The following ZNF143 variants were observed in gnomAD, a reference collection of about 807,000 sequenced individuals.
ZNF143 encodes the protein zinc finger protein 143.
Under a neutral mutation model 74.1 loss-of-function variants are expected in ZNF143, and 49 were observed. That is an observed-to-expected ratio of 0.66 (90% CI 0.53 to 0.84). The LOEUF is 0.84. Among genes scored for constraint, ZNF143 ranks in the 40% least tolerant of loss-of-function variants. The pLI is 0.00. For synonymous variants in ZNF143, 304 were observed against 282.8 expected, an observed-to-expected ratio of 1.07 and a Z score of -0.75; for missense variants, 637 against 793.4, an observed-to-expected ratio of 0.80 and a Z score of 2.37.
At chr11:9,477,324 G>A (rs181959546) in intron 5 of ZNF143, among the ~76,000 whole-genome samples, 14 of 148,930 alleles carry the variant, frequency 9.4e-5, no homozygotes, top group African/African-American at 2.0e-4. Context: ...GTGCAATCTC[G>A]GCTCACTGCA....
chr11:9,491,162 A>C (rs952114454), intron 7 of ZNF143, among the ~76,000 whole-genome samples: 4 of 152,174 alleles, frequency 2.6e-5, no homozygotes, highest in African/African-American at 9.7e-5. Context: ...GAGACGGAGG[A>C]TTCCTTGAAC....
In ZNF143 at chr11:9,522,078, A is replaced by G. The variant is rs149898705; in HGVS notation, c.1687-3162A>G. ...GAGACCCTGTCTCAAAAAAAAAAAA[A>G]AAAAAAGTCAGTGGAAGGTAAAGCA... On this transcript the variant is annotated intron_variant, in intron 14 of 15. Coordinates refer to ENST00000396602, the MANE Select transcript of ZNF143 (RefSeq NM_003442.6). 1.4e-3 allele frequency among the ~76,000 whole-genome samples: 212 copies of G among 152,160 alleles called. 2 individuals carry two copies. The highest frequency in any genetic ancestry group is 5.0e-3 in the African/African-American group (208 of 41,534).
intron 7 of ZNF143, among the ~76,000 whole-genome samples, chr11:9,491,267 T>A (rs1847763905): frequency 1.3e-5 from 2 of 151,858 alleles, no homozygotes; most frequent in Non-Finnish European, 2.9e-5. Context: ...TTTTTTTTTT[T>A]AAGTTTTTGA....
intron 7 of ZNF143, among the ~76,000 whole-genome samples, chr11:9,490,928 C>G (rs1315927536): frequency 6.6e-6 from 1 of 152,038 alleles, no homozygotes; most frequent in African/African-American, 2.4e-5. Flanking sequence ...GATGGGGTTC[C>G]CCCCATGTTT....
intron 8 of ZNF143, among the ~76,000 whole-genome samples, chr11:9,495,676 T>C (rs1306879814): frequency 6.6e-6 from 1 of 152,208 alleles, no homozygotes; most frequent in Non-Finnish European, 1.5e-5. Flanking sequence ...ATCTATAAAA[T>C]TGGATCCTAA....
At chr11:9,492,798 A>G (rs1412423538) in intron 7 of ZNF143, among the ~76,000 whole-genome samples, 2 of 152,190 alleles carry the variant, frequency 1.3e-5, no homozygotes, top group Non-Finnish European at 2.9e-5. Context: ...GACTTCAAGT[A>G]GCTGATAGAC....
At chr11:9,500,213 C>T (rs1848109091) in intron 10 of ZNF143, among the ~76,000 whole-genome samples, 2 of 152,008 alleles carry the variant, frequency 1.3e-5, no homozygotes, top group Admixed American at 6.6e-5. Flanking sequence ...TCTCAAAGTG[C>T]TGGGATTACA....
At chr11:9,490,990 CCT>C (rs1847752915) in intron 7 of ZNF143, among the ~76,000 whole-genome samples, 1 of 152,210 alleles carries the variant, frequency 6.6e-6, no homozygotes, top group Non-Finnish European at 1.5e-5. Flanking sequence ...ACCTTGGCCT[CCT>C]AAAGTGTTGG....
intron 7 of ZNF143, among the ~76,000 whole-genome samples, chr11:9,482,656 C>CT (rs55996675): frequency 1.4e-5 from 2 of 144,472 alleles, no homozygotes; most frequent in East Asian, 2.0e-4. Flanking sequence ...GAATGGGATT[C>CT]TTTTTTTTTT....
chr11:9,520,503 A>T lies in ZNF143; in HGVS notation c.1686+4141A>T, dbSNP rs188546038. On this transcript the variant is annotated intron_variant, in intron 14 of 15. Coordinates refer to ENST00000396602, the MANE Select transcript of ZNF143 (RefSeq NM_003442.6). ...CAAAACCCTGTCTTCTAAAAAAAAT[A>T]AAAAAGAGGCCAGGCACAGTGGCTC... 7.2e-3 allele frequency among the ~76,000 whole-genome samples: 1,096 copies of T among 152,026 alleles called. 10 individuals are homozygous for T. The highest frequency in any genetic ancestry group is 0.012 in the Non-Finnish European group (802 of 67,966).
chr11:9,521,099 C>G (rs1451412549), intron 14 of ZNF143, among the ~76,000 whole-genome samples: 1 of 152,092 alleles, frequency 6.6e-6, no homozygotes, highest in Non-Finnish European at 1.5e-5. Context: ...TAATGAACAC[C>G]CCCACCAGAG....
At chr11:9,486,673 G>T (rs1170691301) in intron 7 of ZNF143, among the ~76,000 whole-genome samples, 2 of 144,272 alleles carry the variant, frequency 1.4e-5, no homozygotes, top group African/African-American at 2.6e-5. Flanking sequence ...GTTTTGTTTT[G>T]TTTTTTTTTC....
intron 7 of ZNF143, among the ~76,000 whole-genome samples, chr11:9,491,259 T>C (rs1847763723): frequency 6.6e-6 from 1 of 152,014 alleles, no homozygotes; most frequent in Non-Finnish European, 1.5e-5. Context: ...TACATACTTT[T>C]TTTTTTTTAA....
Position 9,478,321 on chromosome 11 carries a change from T to G in ZNF143, c.374-69T>G. 2.0e-6 allele frequency: 3 copies of G among 1,521,686 alleles called. No homozygotes were observed. The Middle Eastern group carries it at 5.5e-4, about 281-fold the overall frequency. 94.3% of individuals were successfully genotyped at this position (1,521,686 alleles called of 1,614,324 possible). ...ACTCAATAAAAGCTCATTTCTCTCT[T>G]CCTTTAAATATGTAAATATTTGTCA... is the stretch of plus-strand genomic sequence containing the variant. On this transcript the variant is annotated intron_variant, in intron 5 of 15. Transcript: ENST00000396602.
intron 7 of ZNF143, among the ~76,000 whole-genome samples, chr11:9,482,892 T>C (rs1253969736): frequency 6.6e-6 from 1 of 151,620 alleles, no homozygotes; most frequent in African/African-American, 2.4e-5. Context: ...AATGATATTT[T>C]GGACATATTG....
rs548455413 is a variant in ZNF143, at chr11:9,485,337, T to C, written c.645+5791T>C. ...AGAAATCTGCTTTGTTGTTGTTTTT[T>C]TCTCTCTCTCTTTTTTTTTTTTTTT... is the stretch of plus-strand genomic sequence containing the variant. On this transcript the variant is annotated intron_variant, in intron 7 of 15. Transcript: ENST00000396602. 1.0e-4 allele frequency among the ~76,000 whole-genome samples: 15 copies of C among 149,494 alleles called. 1 individual carries two copies. Among genetic ancestry groups the C allele is most frequent in the Middle Eastern group, 3.4e-3 (1 of 290 alleles).
intron 7 of ZNF143, among the ~76,000 whole-genome samples, chr11:9,486,074 AGTTAC>A (rs963356517): frequency 7.3e-5 from 11 of 150,756 alleles, no homozygotes; most frequent in African/African-American, 2.5e-4. Context: ...ACCATGGGCA[AGTTAC>A]ATTACTAAGC....
At chr11:9,509,249 G>T (rs377640068) in intron 12 of ZNF143, among the ~76,000 whole-genome samples, 2 of 152,358 alleles carry the variant, frequency 1.3e-5, no homozygotes, top group East Asian at 3.9e-4. Flanking sequence ...AGTTAGGGCA[G>T]TTCTGCCTGG....
chr11:9,475,132 C>T (rs747605248), intron 5 of ZNF143, among the ~76,000 whole-genome samples: 1 of 151,386 alleles, frequency 6.6e-6, no homozygotes, highest in Non-Finnish European at 1.5e-5. Context: ...GCCAGCCTCC[C>T]AAAGTGCTGG....
Sources: allele counts gnomAD v4.1 joint callset (sites outside exome capture counted in the v4.1 genomes callset), GRCh38; gene constraint gnomAD v4.1.1; transcripts MANE v1.5; gene names NCBI Gene and HGNC (gene_info 2026-07-23, HGNC 2026-07-21).